Variants in CELSR2 observed in about 807,000 individuals in gnomAD.
CELSR2 encodes EGF-like protein 2.
A neutral mutation model predicts 251.6 loss-of-function variants in CELSR2; 81 were observed. The ratio of observed to expected loss-of-function variants is 0.32; its 90% CI spans 0.27 to 0.39. The LOEUF is 0.39. Among genes scored for constraint, CELSR2 ranks in the 10% least tolerant of loss-of-function variants. CELSR2 has a pLI of 1.00. For synonymous variants in CELSR2, 1,721 were observed against 1,670.5 expected (o/e 1.03, Z -0.74); for missense variants, 3,365 against 3,947.7 (o/e 0.85, Z 3.96).
chr1:109,249,562 G>A lies in CELSR2; in HGVS notation c.-518G>A, dbSNP rs903063465. ...CTGCAGAGCTCGCCCGCCCGCCGGG[G>A]AGGCGAGGGAGCGCGGGGCTGGGCC... On this transcript the variant is annotated 5_prime_UTR_variant, in exon 1 of 34. Coordinates refer to ENST00000271332, the MANE Select transcript of CELSR2 (RefSeq NM_001408.3). 6.7e-6 allele frequency among the ~76,000 whole-genome samples: 1 copy of A among 150,316 alleles called. No individual in the cohort carries two copies. Among genetic ancestry groups the A allele is most frequent in the African/African-American group, 2.4e-5 (1 of 41,210 alleles).
At chr1:109,253,671 G>C (rs895765107) in intron 1 of CELSR2, among the ~76,000 whole-genome samples, 4 of 152,232 alleles carry the variant, frequency 2.6e-5, no homozygotes, top group Non-Finnish European at 5.9e-5. Context: ...TTGTGAGGCT[G>C]CCCCGGCTAT....
Position 109,267,559 on chromosome 1 carries a change from C to A in CELSR2, c.6025C>A (p.Arg2009Ser). ...CPKGSFGTAV[R>S]HCDEHRGWLP... ...CTTCCTTCCCCCAGGGACTGCTGTG[C>A]GCCACTGTGATGAGCACAGGGGGTG... is the stretch of plus-strand genomic sequence containing the variant. Residue 2009 changes from arginine (R) to serine (S), a missense_variant, in exon 16 of 34, where the codon CGC (arginine) becomes AGC (serine). Around this residue, in one of 5 missense-constraint regions of CELSR2, gnomAD observed 2,093 missense variants for 2,382.8 expected, o/e 0.88. Coordinates refer to ENST00000271332, the MANE Select transcript of CELSR2 (RefSeq NM_001408.3). 1.2e-6 allele frequency: 2 copies of A among 1,614,010 alleles called. No individual in the cohort carries two copies. The highest frequency in any genetic ancestry group is 2.2e-5 in the South Asian group (2 of 91,066).
chr1:109,262,663 G>A (rs1161115195), intron 6 of CELSR2, 143 bp from the exon 7 acceptor site: 1 of 1,397,874 alleles, frequency 7.2e-7, no homozygotes, highest in African/African-American at 1.4e-5. Flanking sequence ...CCAGGTAGGG[G>A]TGACGCCCTT....
chr1:109,272,537 G>GT, intron 29 of CELSR2, 103 bp from the exon 30 acceptor site: 1 of 1,491,806 alleles, frequency 6.7e-7, no homozygotes, highest in Non-Finnish European at 9.2e-7. Flanking sequence ...ATTAGAAGCT[G>GT]TAAGGGACCC....
chr1:109,261,565 G>A lies in CELSR2; in HGVS notation c.4234G>A (p.Glu1412Lys). 6.2e-7 allele frequency: 1 copy of A among 1,614,226 alleles called. No homozygotes were observed. The highest frequency in any genetic ancestry group is 8.5e-7 in the Non-Finnish European group (1 of 1,180,040). Residue 1412 changes from glutamate to lysine, a missense_variant, in exon 4 of 34, where the codon GAG becomes AAG. Coordinates refer to ENST00000271332, the MANE Select transcript of CELSR2 (RefSeq NM_001408.3). The surrounding 1 kb of genome is among the most constrained non-coding windows in gnomAD (Gnocchi z 4.8). ...GCTGTTGTACAATGGGCGTTTCAAT[G>A]AGAAGCATGACTTTGTGGCCCTCGA... ...GLLLYNGRFN[E>K]KHDFVALEVI...
chr1:109,250,602 G>C lies in CELSR2; in HGVS notation c.523G>C (p.Val175Leu). The C allele has an allele frequency of 6.2e-7, 1 of 1,614,062 alleles. No individual in the cohort carries two copies. The highest frequency in any genetic ancestry group is 8.5e-7 in the Non-Finnish European group (1 of 1,180,028). ...CCTGGGTGGGCGTCGGAAAAGGAAT[G>C]TAAATACAGCCCCCCAGTTCCAGCC... ...ESLGGRRKRN[V>L]NTAPQFQPPS... The change falls in exon 1 of 34, where the codon GTA becomes CTA. Residue 175 changes from valine to leucine, a missense_variant. This residue lies in a region of CELSR2 where 704 missense variants were observed against 784.1 expected (regional missense o/e 0.90). Coordinates refer to ENST00000271332, the MANE Select transcript of CELSR2 (RefSeq NM_001408.3). The surrounding 1 kb of genome is among the most constrained non-coding windows in gnomAD (Gnocchi z 4.4).
At chr1:109,260,309 A>G (rs1655983590) in intron 2 of CELSR2, among the ~76,000 whole-genome samples, 1 of 152,050 alleles carries the variant, frequency 6.6e-6, no homozygotes, top group Non-Finnish European at 1.5e-5. Context: ...GGATTTTCCC[A>G]TCTGATGTTG....
chr1:109,257,036 A>G (rs1225984357), intron 1 of CELSR2, among the ~76,000 whole-genome samples: 6 of 152,232 alleles, frequency 3.9e-5, no homozygotes, highest in African/African-American at 7.2e-5. Context: ...TTTTCTGAAC[A>G]CCTACTATGT....
chr1:109,253,483 A>G, intron 1 of CELSR2, 94 bp downstream of exon 1: 4 of 1,484,502 alleles, frequency 2.7e-6, no homozygotes, highest in Non-Finnish European at 3.6e-6. Context: ...GGAAGCAGCT[A>G]CAGATCCACC....
intron 15 of CELSR2, among the ~76,000 whole-genome samples, chr1:109,266,936 T>C (rs895404219): frequency 6.6e-6 from 1 of 151,732 alleles, no homozygotes; most frequent in Non-Finnish European, 1.5e-5. Context: ...TTGGCCAGGA[T>C]GGTCTCGATC....
chr1:109,270,053 G>C lies in CELSR2; in HGVS notation c.7228G>C (p.Gly2410Arg), dbSNP rs200447722. The C allele has an allele frequency of 2.5e-6, 4 of 1,614,040 alleles. No individual in the cohort carries two copies. In the South Asian group the frequency reaches 4.4e-5, roughly 18 times the overall value. The change falls in exon 23 of 34, where the codon GGC becomes CGC. Residue 2410 changes from glycine to arginine, a missense_variant. By Grantham distance (125) the Gly-to-Arg change is moderately radical. Around this residue, in one of 5 missense-constraint regions of CELSR2, gnomAD observed 2,093 missense variants for 2,382.8 expected, o/e 0.88. Transcript: ENST00000271332. ...LLRILRSNQH[G>R]IRRNLTAALG... The stretch of plus-strand genomic sequence containing the variant: ...GCGTATCCTGCGCTCCAACCAACAC[G>C]GCATCCGACGTAACCTGACAGCTGC...
chr1:109,258,698 C>T lies in CELSR2; in HGVS notation c.3577C>T (p.Pro1193Ser). 3.9e-6 allele frequency: 6 copies of T among 1,549,746 alleles called. No homozygotes were observed. Among genetic ancestry groups the T allele is most frequent in the South Asian group, 2.4e-5 (2 of 84,370 alleles). Residue 1193 changes from proline (P) to serine (S), a missense_variant, in exon 2 of 34, where the codon CCC (proline) becomes TCC (serine). Physicochemically the swap from Pro to Ser is moderately conservative, Grantham distance 74 (BLOSUM62 -1). Around this residue, in one of 5 missense-constraint regions of CELSR2, gnomAD observed 2,093 missense variants for 2,382.8 expected, o/e 0.88. Coordinates refer to ENST00000271332, the MANE Select transcript of CELSR2 (RefSeq NM_001408.3). ...CCTGTCGGTGGGCCAGCCGCCAGGGCCCGGGGGCGGGCCGCCCTTCCTGCC... is the reference window on the plus strand; with the variant it reads ...CCTGTCGGTGGGCCAGCCGCCAGGGTCCGGGGGCGGGCCGCCCTTCCTGCC... ...VSLSVGQPPGPGGGPPFLPSE... is the reference protein window; with the variant it reads ...VSLSVGQPPGSGGGPPFLPSE...
At position 109,261,762 on chromosome 1, in the gene CELSR2, TC is replaced by T; in HGVS notation, c.4298-44del. ...CCACTGGCACCCCAAACCCTGCCATTCCTAGCCCTCGTCAGGCATTCCAGCT... is the reference window on the plus strand; with the variant it reads ...CCACTGGCACCCCAAACCCTGCCATTCTAGCCCTCGTCAGGCATTCCAGCT... On this transcript the variant is annotated intron_variant, in intron 4 of 33. Transcript: ENST00000271332. The surrounding 1 kb of genome is among the most constrained non-coding windows in gnomAD (Gnocchi z 4.8). 1 of 1,564,668 alleles carries T rather than the reference TC, an allele frequency of 6.4e-7. No individual in the cohort carries two copies. The highest frequency in any genetic ancestry group is 8.7e-7 in the Non-Finnish European group (1 of 1,148,710).
chr1:109,272,221 C>T, intron 28 of CELSR2, 57 bp from the exon 29 acceptor site: 1 of 1,517,564 alleles, frequency 6.6e-7, no homozygotes, highest in Non-Finnish European at 8.8e-7. Flanking sequence ...TCCTTCTTCC[C>T]AGCCTGGGGC....
intron 1 of CELSR2, among the ~76,000 whole-genome samples, chr1:109,256,180 C>T (rs912248900): frequency 1.3e-5 from 2 of 152,108 alleles, no homozygotes; most frequent in African/African-American, 2.4e-5. Context: ...AAGTCTGAAA[C>T]GGAGAGGAAA....
intron 1 of CELSR2, among the ~76,000 whole-genome samples, chr1:109,255,392 C>G (rs1176418707): frequency 6.6e-6 from 1 of 152,208 alleles, no homozygotes; most frequent in Non-Finnish European, 1.5e-5. Context: ...CCTGTTTGGT[C>G]TCCGTGTTTG....
rs151200299 is a variant in CELSR2, at chr1:109,261,531, C to T, written c.4200C>T (p.Arg1400=). 172 of 1,614,164 alleles carry T rather than the reference C, an allele frequency of 1.1e-4. No homozygotes were observed. The highest frequency in any genetic ancestry group is 3.3e-4 in the African/African-American group (25 of 75,058). ...TLALSFATKE[R]DGLLLYNGRF... The stretch of plus-strand genomic sequence containing the variant: ...TGTTCAGGTTTGCCACAAAGGAGCG[C>T]GACGGGTTGCTGTTGTACAATGGGC... Residue 1400 remains arginine (R), a synonymous_variant, in exon 4 of 34, where the codon CGC becomes CGT. Coordinates refer to ENST00000271332, the MANE Select transcript of CELSR2 (RefSeq NM_001408.3). This position sits in a 1 kb window ranked among gnomAD's most constrained non-coding sequence, Gnocchi z 4.8.
intron 9 of CELSR2, 96 bp from the exon 10 acceptor site, chr1:109,263,982 C>T (rs780966821): frequency 2.7e-5 from 40 of 1,463,484 alleles, no homozygotes; most frequent in South Asian, 4.0e-5. Flanking sequence ...AGCTGGGCAG[C>T]GGGATGGGTT....
chr1:109,269,032 T>C lies in CELSR2; in HGVS notation c.6631+24T>C. On this transcript the variant is annotated intron_variant, in intron 19 of 33. Coordinates refer to ENST00000271332, the MANE Select transcript of CELSR2 (RefSeq NM_001408.3). This position sits in a 1 kb window ranked among gnomAD's most constrained non-coding sequence, Gnocchi z 6.4. ...AGGTCAGTGGTGGCCATGGATTGAG[T>C]TGGGAGCTGGACCCCAGTGTCTGTG... The C allele has an allele frequency of 6.2e-7, 1 of 1,604,262 alleles. No homozygotes were observed. Among genetic ancestry groups the C allele is most frequent in the Non-Finnish European group, 8.5e-7 (1 of 1,172,702 alleles).
Sources: allele counts gnomAD v4.1 joint callset (sites outside exome capture counted in the v4.1 genomes callset), GRCh38; gene constraint gnomAD v4.1.1; regional missense constraint gnomAD v4.1.1; non-coding constraint Gnocchi (gnomAD v3.1); transcripts MANE v1.5; gene names NCBI Gene and HGNC (gene_info 2026-07-23, HGNC 2026-07-21).